The following PPP6R3 variants were observed in gnomAD, a reference collection of about 807,000 sequenced individuals.
The protein encoded by PPP6R3 is serine/threonine-protein phosphatase 6 regulatory subunit 3.
In PPP6R3, 38 loss-of-function variants were observed where a neutral mutation model predicts 110.7. The observed-to-expected ratio is 0.34, with a 90% confidence interval of 0.26 to 0.45. The LOEUF (loss-of-function observed/expected upper bound fraction) is 0.45, where lower values mean the gene tolerates loss of function less well. Ranked by LOEUF, PPP6R3 falls within the 20% of genes least tolerant of loss-of-function variation. PPP6R3 has a pLI of 1.00. For synonymous variants in PPP6R3, 369 were observed against 373.5 expected (o/e 0.99, Z 0.14); for missense variants, 870 against 1,062.4 (o/e 0.82, Z 2.52).
intron 7 of PPP6R3, among the ~76,000 whole-genome samples, chr11:68,554,711 G>A (rs561612027): frequency 6.6e-6 from 1 of 152,166 alleles, no homozygotes. Flanking sequence ...TGGGGATGGG[G>A]TGCTGTTTTT....
At chr11:68,498,132 A>G (rs926837946) in intron 1 of PPP6R3, among the ~76,000 whole-genome samples, 1 of 152,208 alleles carries the variant, frequency 6.6e-6, no homozygotes, top group African/African-American at 2.4e-5. Flanking sequence ...GAATAATTGG[A>G]CCAAGGGGTA....
intron 1 of PPP6R3, among the ~76,000 whole-genome samples, chr11:68,494,408 CAAAAAAAAAAAAA>C (rs35190764): frequency 8.3e-5 from 5 of 60,382 alleles, no homozygotes; most frequent in Admixed American, 3.9e-4. Flanking sequence ...CCTGTAATCT[CAAAAAAAAAAAAA>C]AAAAAAAAAA....
intron 2 of PPP6R3, among the ~76,000 whole-genome samples, chr11:68,536,758 A>G (rs1246672161): frequency 6.6e-6 from 1 of 152,174 alleles, no homozygotes; most frequent in Non-Finnish European, 1.5e-5. Flanking sequence ...GGGGTTACAG[A>G]GAGTCAGTAT....
chr11:68,492,469 G>C (rs765904451), intron 1 of PPP6R3, among the ~76,000 whole-genome samples: 9 of 152,202 alleles, frequency 5.9e-5, no homozygotes, highest in Non-Finnish European at 1.3e-4. Flanking sequence ...TTAAGGCTGA[G>C]TTATATTTCA....
chr11:68,469,053 A>G (rs2098769932), intron 1 of PPP6R3, among the ~76,000 whole-genome samples: 1 of 152,234 alleles, frequency 6.6e-6, no homozygotes, highest in Admixed American at 6.5e-5. Context: ...TTATAACCAG[A>G]CAGCTCTATT....
At chr11:68,560,914 T>A (rs1429573286) in intron 8 of PPP6R3, among the ~76,000 whole-genome samples, 4 of 135,508 alleles carry the variant, frequency 3.0e-5, no homozygotes, top group Admixed American at 7.5e-5. Flanking sequence ...TTTTTTTTTT[T>A]AAGACAGAGT....
chr11:68,573,114 T>TTTTTTATATATATATA, intron 12 of PPP6R3, among the ~76,000 whole-genome samples: 1 of 61,798 alleles, frequency 1.6e-5, no homozygotes, highest in East Asian at 8.8e-4. Flanking sequence ...TTTACTTATT[T>TTTTTTATATATATATA]TATATATATA....
intron 2 of PPP6R3, among the ~76,000 whole-genome samples, chr11:68,534,135 C>T (rs1243963813): frequency 1.3e-5 from 2 of 152,136 alleles, no homozygotes; most frequent in East Asian, 3.8e-4. Context: ...GTGAGTGCCC[C>T]AGGAAGGGGA....
intron 9 of PPP6R3, among the ~76,000 whole-genome samples, chr11:68,564,952 C>T (rs1279463235): frequency 6.6e-6 from 1 of 152,174 alleles, no homozygotes; most frequent in African/African-American, 2.4e-5. Context: ...AGAGTTTTGT[C>T]AGCAGTCTAT....
intron 1 of PPP6R3, among the ~76,000 whole-genome samples, chr11:68,484,558 G>T (rs181334022): frequency 9.3e-5 from 14 of 151,002 alleles, no homozygotes; most frequent in Admixed American, 2.0e-4. Flanking sequence ...TGAGTTTTAA[G>T]TGTCTATATA....
intron 1 of PPP6R3, among the ~76,000 whole-genome samples, chr11:68,467,483 T>C (rs1442466660): frequency 6.6e-6 from 1 of 152,224 alleles, no homozygotes; most frequent in African/African-American, 2.4e-5. Context: ...TGTGGGACTG[T>C]TAGTTGGAGC....
At chr11:68,474,954 T>G (rs1425208378) in intron 1 of PPP6R3, among the ~76,000 whole-genome samples, 1 of 152,120 alleles carries the variant, frequency 6.6e-6, no homozygotes, top group Non-Finnish European at 1.5e-5. Context: ...TCTTGGGTGT[T>G]TCTCGCAGAG....
intron 1 of PPP6R3, among the ~76,000 whole-genome samples, chr11:68,511,495 T>TGTGTGTGTGTGTGTGTGTG (rs56327782): frequency 1.9e-4 from 28 of 147,872 alleles, no homozygotes; most frequent in African/African-American, 2.5e-4. Context: ...TGTGTGTGTG[T>TGTGTGTGTGTGTGTGTGTG]TTTGAGTTGG....
chr11:68,491,586 G>A (rs2098984655), intron 1 of PPP6R3, among the ~76,000 whole-genome samples: 1 of 151,964 alleles, frequency 6.6e-6, no homozygotes, highest in African/African-American at 2.4e-5. Context: ...CTGGGCTCAA[G>A]CAGTCCTCCT....
rs1434325196 is a variant in PPP6R3, at chr11:68,573,226, C to T, written c.1344-883C>T. 3.4e-5 allele frequency among the ~76,000 whole-genome samples: 5 copies of T among 146,316 alleles called. No individual in the cohort carries two copies. In the South Asian group the frequency reaches 8.7e-4, roughly 25 times the overall value. On this transcript the variant is annotated intron_variant, in intron 12 of 23. Transcript: ENST00000393800. ...AGTGCAGTAGCACAATCCTGGCTCA[C>T]TGCAGTCTCTGCCTACCGGGTTCAA...
chr11:68,496,706 A>G (rs1171776496), intron 1 of PPP6R3, among the ~76,000 whole-genome samples: 1 of 152,042 alleles, frequency 6.6e-6, no homozygotes. Flanking sequence ...CTCGGCCTCA[A>G]GCACTTCACA....
At chr11:68,510,462 G>A (rs911900145) in intron 1 of PPP6R3, among the ~76,000 whole-genome samples, 18 of 152,010 alleles carry the variant, frequency 1.2e-4, no homozygotes, top group African/African-American at 4.1e-4. Context: ...AGCCTCTCGA[G>A]TAGCTGGGAC....
rs1339855838 is a variant in PPP6R3 at position 68,614,561 on chromosome 11, C to G, written c.*1444C>G. The G allele has an allele frequency of 1.3e-6, 2 of 1,498,744 alleles. No homozygotes were observed. Among genetic ancestry groups the G allele is most frequent in the Non-Finnish European group, 1.8e-6 (2 of 1,134,666 alleles). The allele number at this position is 1,498,744 out of a possible 1,614,324, so 92.8% of individuals were successfully genotyped here. On this transcript the variant is annotated 3_prime_UTR_variant, in exon 24 of 24. Transcript: ENST00000393800. ...TCCCAAGCAGCGTGCCTAAACATTA[C>G]ATTGCATATGGAAATAAAAGAATCA... is the stretch of plus-strand genomic sequence containing the variant.
At chr11:68,538,014 G>C in intron 3 of PPP6R3, 123 bp downstream of exon 3, 2 of 738,578 alleles carry the variant, frequency 2.7e-6, no homozygotes, top group Non-Finnish European at 4.3e-6. Flanking sequence ...AGATAGTCAA[G>C]AATGACAGGC....
Sources: allele counts gnomAD v4.1 joint callset (sites outside exome capture counted in the v4.1 genomes callset), GRCh38; gene constraint gnomAD v4.1.1; transcripts MANE v1.5; gene names NCBI Gene and HGNC (gene_info 2026-07-23, HGNC 2026-07-21).